The following ACVR1 variants were observed in gnomAD, a reference collection of about 807,000 sequenced individuals.
The protein encoded by ACVR1 is activin receptor type-1.
Under a neutral mutation model 57.1 loss-of-function variants are expected in ACVR1, and 38 were observed. That is an observed-to-expected ratio of 0.67 (90% CI 0.51 to 0.87). ACVR1 has a LOEUF of 0.87. Among genes scored for constraint, ACVR1 ranks in the 40% least tolerant of loss-of-function variants. The pLI is 0.00. For synonymous variants in ACVR1, 212 were observed against 228.1 expected (o/e 0.93, Z 0.63); for missense variants, 463 against 638.2 (o/e 0.73, Z 2.96).
intron 8 of ACVR1, among the ~76,000 whole-genome samples, chr2:157,763,654 C>A (rs377188018): frequency 6.6e-6 from 1 of 152,210 alleles, no homozygotes; most frequent in East Asian, 1.9e-4. Context: ...CCCAGTAGAT[C>A]GAGGCTGCAG....
intron 1 of ACVR1, among the ~76,000 whole-genome samples, chr2:157,861,042 G>A (rs1378293653): frequency 6.6e-6 from 1 of 152,142 alleles, no homozygotes. Context: ...AAGCCTCTGT[G>A]CCTAGAAGGC....
chr2:157,792,628 G>A (rs1574071077), intron 3 of ACVR1, among the ~76,000 whole-genome samples: 1 of 152,234 alleles, frequency 6.6e-6, no homozygotes, highest in Middle Eastern at 3.4e-3. Context: ...TTTCAATATG[G>A]GGTATGACCC....
At chr2:157,875,105 T>G (rs1385910420) in intron 1 of ACVR1, 1 of 152,178 alleles carries the variant, frequency 6.6e-6, no homozygotes, top group Non-Finnish European at 1.5e-5. Context: ...GAGGCCCACA[T>G]CTCTTCTTAG....
chr2:157,785,115 A>G (rs536944092), intron 3 of ACVR1, among the ~76,000 whole-genome samples: 1 of 152,366 alleles, frequency 6.6e-6, no homozygotes, highest in East Asian at 1.9e-4. Flanking sequence ...AGAAAATGCT[A>G]CAAGTAAACA....
chr2:157,828,072 C>G, intron 1 of ACVR1, among the ~76,000 whole-genome samples: 1 of 152,100 alleles, frequency 6.6e-6, no homozygotes, highest in East Asian at 1.9e-4. Context: ...CTTGTAATCC[C>G]AGCACTTTGA....
intron 2 of ACVR1, among the ~76,000 whole-genome samples, chr2:157,812,693 T>G (rs1245763961): frequency 2.0e-5 from 3 of 152,216 alleles, no homozygotes; most frequent in Admixed American, 6.5e-5. Context: ...GGTTGGTACA[T>G]TACAAATAAG....
At chr2:157,792,310 T>C (rs1256718730) in intron 3 of ACVR1, among the ~76,000 whole-genome samples, 2 of 152,188 alleles carry the variant, frequency 1.3e-5, no homozygotes, top group Non-Finnish European at 2.9e-5. Context: ...GCATTAACCA[T>C]GGCTCTAGGA....
At position 157,739,923 on chromosome 2, in the gene ACVR1, G is replaced by A. The variant is rs572729097; in HGVS notation, c.1265-1353C>T. Among the ~76,000 whole-genome samples the A allele has an allele frequency of 2.8e-4, 42 of 152,228 alleles. 1 individual carries two copies. In the South Asian group the frequency reaches 6.7e-3, roughly 24 times the overall value. ...ATCTAGGCTGGGTGTGGTCGTTCACGCCTGTAATCTCAGCACTTTGGGAGG... is the reference window on the plus strand; with the variant it reads ...ATCTAGGCTGGGTGTGGTCGTTCACACCTGTAATCTCAGCACTTTGGGAGG... On this transcript the variant is annotated intron_variant, in intron 9 of 10. Transcript: ENST00000434821.
chr2:157,766,740 CA>C (rs1685876632), intron 7 of ACVR1, among the ~76,000 whole-genome samples: 1 of 152,154 alleles, frequency 6.6e-6, no homozygotes, highest in Non-Finnish European at 1.5e-5. Context: ...AGAAACCAAC[CA>C]AATATATGAG....
intron 9 of ACVR1, among the ~76,000 whole-genome samples, chr2:157,742,042 G>A (rs1355193623): frequency 6.6e-6 from 1 of 152,100 alleles, no homozygotes; most frequent in African/African-American, 2.4e-5. Flanking sequence ...AGTTCTCTGG[G>A]GCTGAAATAG....
intron 1 of ACVR1, among the ~76,000 whole-genome samples, chr2:157,823,335 T>C (rs1688222442): frequency 6.6e-6 from 1 of 152,154 alleles, no homozygotes; most frequent in Non-Finnish European, 1.5e-5. Flanking sequence ...TGGAAAAACA[T>C]ATATATTTCC....
At chr2:157,862,360 C>A (rs879513549) in intron 1 of ACVR1, among the ~76,000 whole-genome samples, 4 of 151,428 alleles carry the variant, frequency 2.6e-5, no homozygotes, top group Non-Finnish European at 5.9e-5. Flanking sequence ...TTCATTGCAA[C>A]AATTTCTGTG....
chr2:157,770,969 G>A (rs1686051269), intron 6 of ACVR1, among the ~76,000 whole-genome samples: 1 of 152,112 alleles, frequency 6.6e-6, no homozygotes, highest in South Asian at 2.1e-4. Context: ...CTTCACACAG[G>A]ATCAACATAG....
intron 3 of ACVR1, among the ~76,000 whole-genome samples, chr2:157,792,127 A>C (rs1160761040): frequency 6.6e-6 from 1 of 151,940 alleles, no homozygotes; most frequent in African/African-American, 2.4e-5. Flanking sequence ...TTTAAAAAAT[A>C]CTGGCAGGTT....
intron 2 of ACVR1, among the ~76,000 whole-genome samples, chr2:157,805,803 T>G (rs1456592325): frequency 1.7e-4 from 13 of 77,066 alleles, no homozygotes; most frequent in Admixed American, 3.4e-4. Flanking sequence ...TTTGTTTGGG[T>G]TTTTTTTTTC....
intron 10 of ACVR1, 114 bp from the exon 11 acceptor site, chr2:157,737,779 G>C (rs1268126274): frequency 2.9e-6 from 4 of 1,366,458 alleles, no homozygotes; most frequent in Admixed American, 3.4e-5. Flanking sequence ...TGTGAAATTA[G>C]AGTTATGTTA....
chr2:157,791,613 G>A (rs1268036685), intron 3 of ACVR1, among the ~76,000 whole-genome samples: 2 of 152,130 alleles, frequency 1.3e-5, no homozygotes, highest in African/African-American at 2.4e-5. Context: ...TGTTTCCATC[G>A]TACCAGGTGG....
At position 157,770,629 on chromosome 2, in the gene ACVR1, T is replaced by A. The variant is rs930171514; in HGVS notation, c.644-115A>T. The A allele has an allele frequency of 5.6e-6, 6 of 1,068,476 alleles. No individual in the cohort carries two copies. In the Admixed American group the frequency reaches 9.2e-5, roughly 16 times the overall value. 66.2% of individuals were successfully genotyped at this position (1,068,476 alleles called of 1,614,324 possible). On this transcript the variant is annotated intron_variant, in intron 6 of 10. Transcript: ENST00000434821. ...AACTCTTAATCCCTCCATTGCTTACTGGAGAAACTCAGCTTGGGAATATAA... is the reference window on the plus strand; with the variant it reads ...AACTCTTAATCCCTCCATTGCTTACAGGAGAAACTCAGCTTGGGAATATAA...
chr2:157,761,033 C>G lies in ACVR1; in HGVS notation c.1111G>C (p.Gly371Arg). 6.2e-7 allele frequency: 1 copy of G among 1,614,078 alleles called. No individual in the cohort carries two copies. The highest frequency in any genetic ancestry group is 1.3e-5 in the African/African-American group (1 of 75,040). The change falls in exon 9 of 11, where the codon GGG becomes CGG. Residue 371 changes from glycine (G) to arginine (R), a missense_variant. This residue lies in a region of ACVR1 where 146 missense variants were observed against 186.6 expected (regional missense o/e 0.78). Transcript: ENST00000434821. ...HSQSTNQLDVGNNPRVGTKRY... is the reference protein window; with the variant it reads ...HSQSTNQLDVRNNPRVGTKRY... ...TTGGTGCCCACACGGGGATTGTTCC[C>G]CACATCAAGCTGATTGGTGCTCTGG...
Sources: allele counts gnomAD v4.1 joint callset (sites outside exome capture counted in the v4.1 genomes callset), GRCh38; gene constraint gnomAD v4.1.1; regional missense constraint gnomAD v4.1.1; transcripts MANE v1.5; gene names NCBI Gene and HGNC (gene_info 2026-07-23, HGNC 2026-07-21).